Variants in HECW2 observed in about 807,000 individuals in gnomAD.
HECW2 encodes HECT, C2 and WW domain containing E3 ubiquitin protein ligase 2, also known as E3 ubiquitin-protein ligase HECW2.
Under a neutral mutation model 175.2 loss-of-function variants are expected in HECW2, and 61 were observed. The ratio of observed to expected loss-of-function variants is 0.35; its 90% confidence interval spans 0.28 to 0.43. HECW2 has a LOEUF of 0.43. Among genes scored for constraint, HECW2 ranks in the 20% least tolerant of loss-of-function variants. The pLI is 1.00. For missense variants in HECW2, 1,524 were observed against 2,000.5 expected (o/e 0.76, Z 4.54); for synonymous variants, 671 against 731.0 (o/e 0.92, Z 1.32).
intron 1 of HECW2, among the ~76,000 whole-genome samples, chr2:196,542,923 TATAG>T (rs1689277681): frequency 6.7e-6 from 1 of 148,286 alleles, no homozygotes; most frequent in South Asian, 2.1e-4. Context: ...GATCTATAGA[TATAG>T]ATAGCTATAT....
chr2:196,586,136 T>C (rs1013309522), intron 1 of HECW2, among the ~76,000 whole-genome samples: 2 of 152,196 alleles, frequency 1.3e-5, no homozygotes, highest in African/African-American at 4.8e-5. Context: ...ACTATGCTTA[T>C]GATATAAATG....
intron 2 of HECW2, among the ~76,000 whole-genome samples, chr2:196,360,862 T>A (rs1255458014): frequency 6.6e-6 from 1 of 152,188 alleles, no homozygotes; most frequent in Non-Finnish European, 1.5e-5. Flanking sequence ...CTTTACTAAA[T>A]CTTCAACATA....
intron 5 of HECW2, among the ~76,000 whole-genome samples, chr2:196,328,483 A>T (rs181084674): frequency 6.6e-6 from 1 of 152,306 alleles, no homozygotes; most frequent in East Asian, 1.9e-4. Flanking sequence ...AAGCACAGAT[A>T]CTCAGAAGGC....
chr2:196,262,225 C>T (rs115269566), intron 17 of HECW2, among the ~76,000 whole-genome samples: 4,179 of 152,138 alleles, frequency 0.027, 195 homozygotes, highest in African/African-American at 0.095. Context: ...CAGGGTCTTG[C>T]TATGTTGTCT....
At chr2:196,501,308 G>C (rs1293076836) in intron 1 of HECW2, among the ~76,000 whole-genome samples, 1 of 152,184 alleles carries the variant, frequency 6.6e-6, no homozygotes, top group Non-Finnish European at 1.5e-5. Flanking sequence ...TTTTGAGACA[G>C]AGTCTCACTC....
At chr2:196,467,577 A>G (rs1452220415) in intron 1 of HECW2, among the ~76,000 whole-genome samples, 2 of 152,246 alleles carry the variant, frequency 1.3e-5, no homozygotes, top group Admixed American at 1.3e-4. Flanking sequence ...GGAACCCTAC[A>G]TGCAGGAAAT....
intron 2 of HECW2, among the ~76,000 whole-genome samples, chr2:196,351,665 C>T (rs145289900): frequency 2.0e-5 from 3 of 152,266 alleles, no homozygotes; most frequent in Admixed American, 6.5e-5. Context: ...CATCTCCTCT[C>T]TACATTTTCT....
chr2:196,372,678 G>A (rs998685809), intron 2 of HECW2, among the ~76,000 whole-genome samples: 5 of 152,232 alleles, frequency 3.3e-5, no homozygotes, highest in South Asian at 2.1e-4. Context: ...AGAAGAGTTA[G>A]GAAGTCAACT....
intron 6 of HECW2, among the ~76,000 whole-genome samples, chr2:196,323,932 T>TTTTTTTG (rs1692053127): frequency 6.7e-6 from 1 of 149,046 alleles, no homozygotes; most frequent in Non-Finnish European, 1.5e-5. Context: ...TTTTTTTTTT[T>TTTTTTTG]TTTTTACCAT....
At chr2:196,370,958 C>T (rs1376222222) in intron 2 of HECW2, among the ~76,000 whole-genome samples, 1 of 152,192 alleles carries the variant, frequency 6.6e-6, no homozygotes, top group Non-Finnish European at 1.5e-5. Flanking sequence ...TTCAATGCCT[C>T]TTTCAGTGGC....
chr2:196,416,697 C>T (rs929478596), intron 2 of HECW2, among the ~76,000 whole-genome samples: 7 of 152,162 alleles, frequency 4.6e-5, no homozygotes, highest in African/African-American at 9.7e-5. Context: ...CAAGAGGGAA[C>T]GTGAAATATA....
intron 19 of HECW2, among the ~76,000 whole-genome samples, chr2:196,251,122 C>A (rs904975423): frequency 1.3e-5 from 2 of 152,116 alleles, no homozygotes; most frequent in Non-Finnish European, 2.9e-5. Context: ...TCCCTGCAGG[C>A]TTGACCTTCT....
chr2:196,281,643 CAAAAAAAAAAA>C (rs66656305), intron 14 of HECW2, among the ~76,000 whole-genome samples: 3 of 38,204 alleles, frequency 7.9e-5, no homozygotes, highest in Admixed American at 4.8e-4. Context: ...GACCCCGTCT[CAAAAAAAAAAA>C]AAAAAAAAAA....
chr2:196,525,707 T>C (rs2125443437), intron 1 of HECW2, among the ~76,000 whole-genome samples: 1 of 151,866 alleles, frequency 6.6e-6, no homozygotes, highest in South Asian at 2.1e-4. Flanking sequence ...TGCTTGTCTG[T>C]GAAGTATTTT....
chr2:196,230,015 C>T (rs767404379), intron 21 of HECW2, among the ~76,000 whole-genome samples: 1 of 152,210 alleles, frequency 6.6e-6, no homozygotes, highest in Non-Finnish European at 1.5e-5. Flanking sequence ...ACTGTGCTGA[C>T]AGGGAACCTA....
chr2:196,381,439 T>C (rs947845063), intron 2 of HECW2, among the ~76,000 whole-genome samples: 2 of 152,186 alleles, frequency 1.3e-5, no homozygotes, highest in African/African-American at 4.8e-5. Context: ...AATGTCCATA[T>C]AAAATTCTAC....
chr2:196,548,585 A>G (rs923770361), intron 1 of HECW2, among the ~76,000 whole-genome samples: 1 of 152,188 alleles, frequency 6.6e-6, no homozygotes, highest in African/African-American at 2.4e-5. Context: ...AAAAACCCCA[A>G]AACAGGTCAT....
At chr2:196,387,093 A>G (rs1219758403) in intron 2 of HECW2, among the ~76,000 whole-genome samples, 1 of 152,210 alleles carries the variant, frequency 6.6e-6, no homozygotes, top group Non-Finnish European at 1.5e-5. Context: ...GCACAAACAC[A>G]TAATTTACAT....
chr2:196,343,849 T>A, intron 2 of HECW2, 85 bp from the exon 3 acceptor site: 6 of 870,784 alleles, frequency 6.9e-6, no homozygotes, highest in Middle Eastern at 2.2e-4. Flanking sequence ...CTAAAATAAA[T>A]GGAAAAAAGA....
Sources: gnomAD v4.1 joint callset for allele counts (sites outside exome capture counted in the v4.1 genomes callset) on GRCh38, gnomAD v4.1.1 for gene constraint, MANE v1.5 for transcripts, NCBI Gene and HGNC (gene_info 2026-07-23, HGNC 2026-07-21) for gene names.